ABCC4: variants seen among roughly 807,000 people sequenced by gnomAD.
The protein encoded by ABCC4 is ATP binding cassette subfamily C member 4 (PEL blood group).
ABCC4 carries 102 observed loss-of-function variants against 168.5 expected under a neutral mutation model. The observed-to-expected ratio is 0.61, with a 90% CI of 0.52 to 0.71. The LOEUF (loss-of-function observed/expected upper bound fraction) is 0.71, where lower values mean the gene tolerates loss of function less well. Among genes scored for constraint, ABCC4 ranks in the 30% least tolerant of loss-of-function variants. ABCC4 has a pLI of 0.00. For synonymous variants in ABCC4, 617 were observed against 590.7 expected, an observed-to-expected ratio of 1.04 and a Z score of -0.65; for missense variants, 1,402 against 1,605.8, an observed-to-expected ratio of 0.87 and a Z score of 2.17.
At chr13:95,148,719 G>T (rs2036578364) in intron 19 of ABCC4, among the ~76,000 whole-genome samples, 1 of 151,502 alleles carries the variant, frequency 6.6e-6, no homozygotes, top group African/African-American at 2.4e-5. Flanking sequence ...GACATCAAAT[G>T]AAAGTGGACA....
chr13:95,278,090 C>T (rs556572167), intron 1 of ABCC4, among the ~76,000 whole-genome samples: 23 of 150,986 alleles, frequency 1.5e-4, no homozygotes, highest in African/African-American at 5.6e-4. Flanking sequence ...CGCCGCATGC[C>T]ATTGTTCTTA....
chr13:95,025,643 C>T (rs2031502454), intron 30 of ABCC4, among the ~76,000 whole-genome samples: 2 of 150,902 alleles, frequency 1.3e-5, no homozygotes. Flanking sequence ...TCGTTTTAGT[C>T]ATAGGTGAGG....
intron 3 of ABCC4, among the ~76,000 whole-genome samples, chr13:95,245,486 G>T (rs1049389847): frequency 6.6e-6 from 1 of 152,176 alleles, no homozygotes; most frequent in Non-Finnish European, 1.5e-5. Flanking sequence ...GAAACTGATC[G>T]GGGCCATGTG....
At chr13:95,033,876 G>C (rs375475692) in intron 30 of ABCC4, among the ~76,000 whole-genome samples, 9 of 152,212 alleles carry the variant, frequency 5.9e-5, no homozygotes, top group African/African-American at 2.2e-4. Context: ...TGGTCAGGCT[G>C]GTCTCAGACT....
At chr13:95,241,489 G>A (rs1281225966) in intron 3 of ABCC4, among the ~76,000 whole-genome samples, 1 of 152,096 alleles carries the variant, frequency 6.6e-6, no homozygotes, top group African/African-American at 2.4e-5. Flanking sequence ...GTCCTGGTTT[G>A]GCCCACACAG....
Position 95,044,396 on chromosome 13 carries a change from C to G in ABCC4, c.3499G>C (p.Asp1167His), listed in dbSNP as rs1442422778. Residue 1167 changes from aspartate (D) to histidine (H), a missense_variant, in exon 28 of 31, where the codon GAT becomes CAT. Asp to His is a moderately conservative substitution (Grantham distance 81). Transcript: ENST00000645237. ...GATCCTGATTCTGCTAATTCAGTAT[C>G]CATTTTACCAGGAAGATCTTCAATG... The part of the protein sequence containing the change: ...ETIEDLPGKM[D>H]TELAESGSNF... 1.2e-6 allele frequency: 2 copies of G among 1,612,978 alleles called. No individual in the cohort carries two copies. The highest frequency in any genetic ancestry group is 4.5e-5 in the East Asian group (2 of 44,826).
chr13:95,025,206 A>G (rs1473649851), intron 30 of ABCC4, among the ~76,000 whole-genome samples: 2 of 41,072 alleles, frequency 4.9e-5, no homozygotes, highest in East Asian at 7.8e-4. Flanking sequence ...ACACACCCCC[A>G]CACCCCCCAC....
chr13:95,226,823 C>A (rs998906249), intron 4 of ABCC4, among the ~76,000 whole-genome samples: 2 of 152,156 alleles, frequency 1.3e-5, no homozygotes, highest in Admixed American at 1.3e-4. Context: ...GAGGTTTATA[C>A]CTACAAGTCC....
intron 8 of ABCC4, among the ~76,000 whole-genome samples, chr13:95,199,367 AT>A (rs1472329517): frequency 6.6e-6 from 1 of 152,110 alleles, no homozygotes; most frequent in Non-Finnish European, 1.5e-5. Context: ...TACACTCATC[AT>A]TTACAACCTC....
rs150285358 is a variant in ABCC4, at chr13:95,224,668, C to G, written c.531+9942G>C. Among the ~76,000 whole-genome samples, 703 of 151,524 alleles carry G rather than the reference C, an allele frequency of 4.6e-3. 7 individuals are homozygous for G. Among genetic ancestry groups the G allele is most frequent in the African/African-American group, 0.016 (675 of 41,258 alleles). ...AGGAGAATCACTTGAACCCGGGAGG[C>G]GGAGGTTGCAGTGAGCCGAGATTGT... On this transcript the variant is annotated intron_variant, in intron 4 of 30. Transcript: ENST00000645237.
intron 20 of ABCC4, among the ~76,000 whole-genome samples, chr13:95,107,259 A>C (rs1340935042): frequency 6.6e-6 from 1 of 152,208 alleles, no homozygotes; most frequent in African/African-American, 2.4e-5. Flanking sequence ...CTCCTCTCAA[A>C]AAAACAAAAC....
chr13:95,035,863 C>A (rs745417332), intron 29 of ABCC4, among the ~76,000 whole-genome samples: 1 of 152,134 alleles, frequency 6.6e-6, no homozygotes, highest in Admixed American at 6.5e-5. Context: ...AACCTCCAAG[C>A]AGGACACAGG....
rs149725160 is a variant in ABCC4, at chr13:95,212,099, C to T, written c.532-1318G>A. On this transcript the variant is annotated intron_variant, in intron 4 of 30. Transcript: ENST00000645237. The stretch of plus-strand genomic sequence containing the variant: ...GGCTGAGGCAGAAAATCACTTGAAC[C>T]GGGAGGCAGGGGTTGCAATCAGCCA... Among the ~76,000 whole-genome samples the T allele has an allele frequency of 2.7e-3, 404 of 148,228 alleles. 1 individual carries two copies. Among genetic ancestry groups the T allele is most frequent in the African/African-American group, 9.5e-3 (382 of 40,246 alleles).
intron 29 of ABCC4, chr13:95,043,441 T>C (rs1047754254): frequency 2.8e-5 from 12 of 429,302 alleles, no homozygotes; most frequent in African/African-American, 5.9e-5. Flanking sequence ...ATTTGGAATA[T>C]TTTCATGGTA....
At chr13:95,081,906 A>G (rs2034110526) in intron 21 of ABCC4, among the ~76,000 whole-genome samples, 1 of 152,182 alleles carries the variant, frequency 6.6e-6, no homozygotes, top group Non-Finnish European at 1.5e-5. Context: ...AGGCTGAGGC[A>G]TGAGAATCAC....
chr13:95,141,780 C>T (rs2036326036), intron 19 of ABCC4, among the ~76,000 whole-genome samples: 1 of 152,186 alleles, frequency 6.6e-6, no homozygotes, highest in African/African-American at 2.4e-5. Flanking sequence ...TTGACTCTTT[C>T]GTAAGAGACG....
intron 3 of ABCC4, among the ~76,000 whole-genome samples, chr13:95,242,958 A>G (rs1484456168): frequency 2.6e-5 from 4 of 152,214 alleles, no homozygotes; most frequent in Non-Finnish European, 5.9e-5. Context: ...CGGAACTAAA[A>G]GTTCTACCAG....
intron 1 of ABCC4, among the ~76,000 whole-genome samples, chr13:95,286,830 G>A (rs549177066): frequency 1.8e-4 from 28 of 151,748 alleles, no homozygotes; most frequent in Admixed American, 1.4e-3. Flanking sequence ...GGTGGCACAC[G>A]CCTGTAATCC....
At chr13:95,105,362 G>C (rs1594102844) in intron 20 of ABCC4, among the ~76,000 whole-genome samples, 1 of 152,070 alleles carries the variant, frequency 6.6e-6, no homozygotes, top group Non-Finnish European at 1.5e-5. Flanking sequence ...GACTAGTACT[G>C]GTCTGTGGCC....
Sources: allele counts gnomAD v4.1 joint callset (sites outside exome capture counted in the v4.1 genomes callset), GRCh38; gene constraint gnomAD v4.1.1; transcripts MANE v1.5; gene names NCBI Gene and HGNC (gene_info 2026-07-23, HGNC 2026-07-21).